The following YLPM1 variants were observed in gnomAD, a reference collection of about 807,000 sequenced individuals.
The protein encoded by YLPM1 is YLP motif-containing protein 1.
In YLPM1, 99 loss-of-function variants were observed where a neutral mutation model predicts 230.0. The observed-to-expected ratio is 0.43, with a 90% CI of 0.37 to 0.51. YLPM1 has a LOEUF of 0.51. Among genes scored for constraint, YLPM1 ranks in the 20% least tolerant of loss-of-function variants. YLPM1 has a pLI of 0.00. For missense variants in YLPM1, 2,592 were observed against 2,707.7 expected (o/e 0.96, Z 0.95); for synonymous variants, 984 against 942.5 (o/e 1.04, Z -0.81).
chr14:74,778,797 A>T, intron 2 of YLPM1, 114 bp downstream of exon 2: 2 of 820,530 alleles, frequency 2.4e-6, no homozygotes, highest in Non-Finnish European at 3.8e-6. Flanking sequence ...GGTACCTATA[A>T]AGTTGCATTT....
intron 18 of YLPM1, among the ~76,000 whole-genome samples, chr14:74,825,717 G>A (rs987759296): frequency 1.4e-4 from 22 of 152,082 alleles, no homozygotes; most frequent in East Asian, 7.7e-4. Flanking sequence ...ATCCTTTAGG[G>A]CAAAGAGAGA....
In YLPM1 at chr14:74,799,629, G is replaced by A. The variant is rs1162472669; in HGVS notation, c.4332G>A (p.Gly1444=). The change falls in exon 5 of 21, where the codon GGG becomes GGA. Residue 1444 remains glycine, a synonymous_variant. Transcript: ENST00000325680. ...TAGACTCTGACCAAGGCCTTGGAGG[G>A]GTAATGGTTCTCAGTCAGAGGCAGC... The part of the protein sequence containing the change: ...ASLDSDQGLG[G]VMVLSQRQHE... 1 of 1,613,816 alleles carries A rather than the reference G, an allele frequency of 6.2e-7. No individual in the cohort carries two copies. The highest frequency in any genetic ancestry group is 1.3e-5 in the African/African-American group (1 of 74,892).
At chr14:74,817,633 C>T (rs1190452721) in intron 15 of YLPM1, among the ~76,000 whole-genome samples, 1 of 152,154 alleles carries the variant, frequency 6.6e-6, no homozygotes, top group Non-Finnish European at 1.5e-5. Flanking sequence ...CTCTAAACCT[C>T]ATATTATCTG....
At position 74,809,473 on chromosome 14, in the gene YLPM1, G is replaced by T; in HGVS notation, c.4615G>T (p.Val1539Leu). Residue 1539 changes from valine to leucine, a missense_variant, in exon 7 of 21, where the codon GTG becomes TTG. Around this residue, in one of 4 missense-constraint regions of YLPM1, gnomAD observed 403 missense variants for 426.7 expected, o/e 0.94. Coordinates refer to ENST00000325680, the MANE Select transcript of YLPM1 (RefSeq NM_019589.3). Reference protein sequence around the residue: ...SAPPARSSVPVTRPPVPIPPP... With the variant: ...SAPPARSSVPLTRPPVPIPPP... ...TCCACCAGCAAGATCATCTGTTCCTGTGACCAGGCCACCTGTCCCAATACC... is the reference window on the plus strand; with the variant it reads ...TCCACCAGCAAGATCATCTGTTCCTTTGACCAGGCCACCTGTCCCAATACC... 6.3e-7 allele frequency: 1 copy of T among 1,590,652 alleles called. No homozygotes were observed. The highest frequency in any genetic ancestry group is 8.6e-7 in the Non-Finnish European group (1 of 1,167,382).
At chr14:74,773,480 T>TA (rs1408979053) in intron 1 of YLPM1, among the ~76,000 whole-genome samples, 11 of 152,196 alleles carry the variant, frequency 7.2e-5, no homozygotes, top group African/African-American at 2.7e-4. Flanking sequence ...TAGCATTGGC[T>TA]TAGTTTGTGA....
Position 74,802,652 on chromosome 14 carries a change from A to G in YLPM1, c.4497A>G (p.Thr1499=). Residue 1499 remains threonine, a synonymous_variant, in exon 6 of 21, where the codon ACA becomes ACG. Coordinates refer to ENST00000325680, the MANE Select transcript of YLPM1 (RefSeq NM_019589.3). ...LPPQESRLQN[T]SSRPGMYPPP... ...CTCAGGAATCAAGATTGCAGAATACATCTTCAAGACCTGGAATGTATCCGG... is the reference window on the plus strand; with the variant it reads ...CTCAGGAATCAAGATTGCAGAATACGTCTTCAAGACCTGGAATGTATCCGG... 2 of 1,612,778 alleles carry G rather than the reference A, an allele frequency of 1.2e-6. No homozygotes were observed. Among genetic ancestry groups the G allele is most frequent in the Non-Finnish European group, 1.7e-6 (2 of 1,179,364 alleles).
At chr14:74,813,668 A>T (rs1225744272) in intron 11 of YLPM1, among the ~76,000 whole-genome samples, 1 of 152,108 alleles carries the variant, frequency 6.6e-6, no homozygotes, top group Non-Finnish European at 1.5e-5. Flanking sequence ...ATTTTGTGTA[A>T]TGCTGGAGTT....
At chr14:74,825,728 T>G (rs965308813) in intron 18 of YLPM1, among the ~76,000 whole-genome samples, 1 of 152,156 alleles carries the variant, frequency 6.6e-6, no homozygotes. Flanking sequence ...CAAAGAGAGA[T>G]CATAAATAAA....
chr14:74,834,553 G>C (rs1176900291), intron 19 of YLPM1, among the ~76,000 whole-genome samples: 6 of 152,182 alleles, frequency 3.9e-5, no homozygotes, highest in Non-Finnish European at 7.3e-5. Flanking sequence ...GTTAACTGTG[G>C]AAAGCAGTGA....
chr14:74,809,495 TACC>T lies in YLPM1; in HGVS notation c.4644_4646del (p.Pro1554del), dbSNP rs748532539. On this transcript the variant is annotated inframe_deletion, in exon 7 of 21. Transcript: ENST00000325680. The stretch of plus-strand genomic sequence containing the variant: ...CCTGTGACCAGGCCACCTGTCCCAA[TACC>T]ACCACCTCCACCTCCTCCACCTCTA... The T allele has an allele frequency of 6.3e-7, 1 of 1,584,806 alleles. No individual in the cohort carries two copies. The highest frequency in any genetic ancestry group is 1.8e-5 in the Admixed American group (1 of 54,768).
chr14:74,812,913 C>T (rs1399910372), intron 11 of YLPM1, 131 bp downstream of exon 11: 3 of 1,194,742 alleles, frequency 2.5e-6, no homozygotes, highest in African/African-American at 1.5e-5. Context: ...TTTACTATCT[C>T]TAAATCACCA....
chr14:74,821,172 C>A, intron 17 of YLPM1, 35 bp downstream of exon 17: 1 of 1,517,606 alleles, frequency 6.6e-7, no homozygotes, highest in South Asian at 1.3e-5. Context: ...AACAGTGTCT[C>A]TTTATTAAAA....
At chr14:74,807,487 G>T (rs1001805928) in intron 6 of YLPM1, among the ~76,000 whole-genome samples, 1 of 152,094 alleles carries the variant, frequency 6.6e-6, no homozygotes, top group Non-Finnish European at 1.5e-5. Flanking sequence ...TTCAAGACCA[G>T]CCTGGGCAAC....
chr14:74,820,525 G>A (rs1273357227), intron 16 of YLPM1, among the ~76,000 whole-genome samples: 1 of 152,100 alleles, frequency 6.6e-6, no homozygotes, highest in Non-Finnish European at 1.5e-5. Context: ...TGGGATTATA[G>A]GCGTGAGCCA....
intron 5 of YLPM1, among the ~76,000 whole-genome samples, chr14:74,800,203 G>A (rs2091311727): frequency 6.6e-6 from 1 of 152,172 alleles, no homozygotes; most frequent in South Asian, 2.1e-4. Flanking sequence ...TTTTGGGGAT[G>A]TTTTATCTTT....
chr14:74,776,888 T>C (rs1395017816), intron 1 of YLPM1, among the ~76,000 whole-genome samples: 3 of 151,676 alleles, frequency 2.0e-5, no homozygotes, highest in Non-Finnish European at 4.4e-5. Flanking sequence ...GTGAAACTTG[T>C]CTCTACAAAA....
rs980517708 is a variant in YLPM1 at position 74,812,615 on chromosome 14, G to A, written c.5348-13G>A. On this transcript the variant is annotated splice_polypyrimidine_tract_variant and intron_variant, in intron 10 of 20. Transcript: ENST00000325680. ...CTACAAATAGTAATTTTGTTCAACT[G>A]CTGGAATCCTAGGAGAACGAAGGAC... 2 of 1,606,562 alleles carry A rather than the reference G, an allele frequency of 1.2e-6. No individual in the cohort carries two copies. Among genetic ancestry groups the A allele is most frequent in the African/African-American group, 2.7e-5 (2 of 74,698 alleles).
Position 74,780,358 on chromosome 14 carries a change from T to C in YLPM1, c.1111-47T>C, listed in dbSNP as rs570471249. On this transcript the variant is annotated intron_variant, in intron 2 of 20. Transcript: ENST00000325680. ...TAATACATTTATAAAATATTTTTGC[T>C]TGCTGTTTTATGACTTACATAAAGA... The C allele has an allele frequency of 1.9e-6, 3 of 1,551,552 alleles. No individual in the cohort carries two copies. The African/African-American group carries it at 4.1e-5, about 21-fold the overall frequency.
At chr14:74,829,133 A>G in intron 18 of YLPM1, 80 bp from the exon 19 acceptor site, 1 of 1,563,030 alleles carries the variant, frequency 6.4e-7, no homozygotes, top group Non-Finnish European at 8.7e-7. Flanking sequence ...AAAGCGTTCC[A>G]GCCTTCTTTT....
Sources: gnomAD v4.1 joint callset for allele counts (sites outside exome capture counted in the v4.1 genomes callset) on GRCh38, gnomAD v4.1.1 for gene constraint, gnomAD v4.1.1 regional missense constraint, MANE v1.5 for transcripts, NCBI Gene and HGNC (gene_info 2026-07-23, HGNC 2026-07-21) for gene names.